ALMS1: variants seen among roughly 807,000 people sequenced by gnomAD.
ALMS1 encodes ALMS1 centrosome and basal body associated protein.
Under a neutral mutation model 352.2 loss-of-function variants are expected in ALMS1, and 271 were observed. That is an observed-to-expected ratio of 0.77 (90% CI 0.70 to 0.85). The LOEUF (loss-of-function observed/expected upper bound fraction) is 0.85, where lower values mean the gene tolerates loss of function less well. Ranked by LOEUF, ALMS1 falls within the 40% of genes least tolerant of loss-of-function variation. The pLI, the probability that ALMS1 is intolerant of heterozygous loss-of-function variation, is 0.00. For synonymous variants in ALMS1, 1,865 were observed against 1,761.2 expected, an observed-to-expected ratio of 1.06 and a Z score of -1.48; for missense variants, 5,445 against 4,870.7, an observed-to-expected ratio of 1.12 and a Z score of -3.51.
intron 21 of ALMS1, among the ~76,000 whole-genome samples, chr2:73,607,053 T>C (rs936031679): frequency 6.6e-6 from 1 of 152,104 alleles, no homozygotes; most frequent in African/African-American, 2.4e-5. Flanking sequence ...TAGAGAAAAG[T>C]AGAAAAAAGA....
At chr2:73,581,630 T>C (rs1344127642) in intron 16 of ALMS1, among the ~76,000 whole-genome samples, 3 of 152,252 alleles carry the variant, frequency 2.0e-5, no homozygotes, top group African/African-American at 7.2e-5. Flanking sequence ...TTTTTGGTGT[T>C]TCTAGAGAAG....
At chr2:73,564,607 T>C (rs1231033245) in intron 15 of ALMS1, among the ~76,000 whole-genome samples, 1 of 151,936 alleles carries the variant, frequency 6.6e-6, no homozygotes, top group East Asian at 1.9e-4. Context: ...CTTAAGCAAA[T>C]ACTGATCCAC....
chr2:73,558,904 TGAGA>T, intron 14 of ALMS1, 64 bp from the exon 15 acceptor site: 11 of 1,518,914 alleles, frequency 7.2e-6, no homozygotes, highest in Non-Finnish European at 1.0e-5. Context: ...AATACGTACT[TGAGA>T]GACATTTAAA....
rs368805904 is a variant in ALMS1 at position 73,537,672 on chromosome 2, T to G, written c.9907+2723T>G. 9.9e-5 allele frequency among the ~76,000 whole-genome samples: 15 copies of G among 152,256 alleles called. No homozygotes were observed. In the East Asian group the frequency reaches 1.7e-3, roughly 18 times the overall value. ...AAAGCAACAACACCAAACCCTGAGA[T>G]GGAAGTAGAATCTGGTTTCCAGAGT... On this transcript the variant is annotated intron_variant, in intron 12 of 22. Coordinates refer to ENST00000613296, the MANE Select transcript of ALMS1 (RefSeq NM_001378454.1).
intron 1 of ALMS1, among the ~76,000 whole-genome samples, chr2:73,386,773 A>G (rs1284949163): frequency 6.6e-6 from 1 of 152,174 alleles, no homozygotes; most frequent in Non-Finnish European, 1.5e-5. Flanking sequence ...ACAGTCTGCA[A>G]AACTACAAAG....
At chr2:73,492,270 G>C (rs1673006380) in intron 10 of ALMS1, among the ~76,000 whole-genome samples, 1 of 152,064 alleles carries the variant, frequency 6.6e-6, no homozygotes, top group Non-Finnish European at 1.5e-5. Context: ...AGAGCGCTAG[G>C]CTTGGAAAGG....
chr2:73,482,617 C>G (rs1414956027), intron 9 of ALMS1, among the ~76,000 whole-genome samples: 1 of 152,194 alleles, frequency 6.6e-6, no homozygotes, highest in Non-Finnish European at 1.5e-5. Flanking sequence ...AGGATTCCCT[C>G]TTTTTCCATT....
In ALMS1 at chr2:73,425,204, T is replaced by C. The variant is rs1023348035; in HGVS notation, c.1237+302T>C. Among the ~76,000 whole-genome samples the C allele has an allele frequency of 6.6e-5, 10 of 152,288 alleles. No homozygotes were observed. The South Asian group carries it at 1.2e-3, about 19-fold the overall frequency. Reference sequence around the variant, plus strand: ...ATTTTGAGAATGTTTATTTAAGGGCTCCAGCTGAGATTGAGGTGAAACAAA... The same window carrying C: ...ATTTTGAGAATGTTTATTTAAGGGCCCCAGCTGAGATTGAGGTGAAACAAA... On this transcript the variant is annotated intron_variant, in intron 5 of 22. Coordinates refer to ENST00000613296, the MANE Select transcript of ALMS1 (RefSeq NM_001378454.1).
intron 1 of ALMS1, among the ~76,000 whole-genome samples, chr2:73,398,423 A>G (rs905690653): frequency 2.0e-5 from 3 of 152,208 alleles, no homozygotes; most frequent in African/African-American, 7.2e-5. Context: ...CAGTCCTCCA[A>G]TTCGGAGTCT....
At chr2:73,491,886 T>C (rs903681733) in intron 10 of ALMS1, among the ~76,000 whole-genome samples, 3 of 152,200 alleles carry the variant, frequency 2.0e-5, no homozygotes, top group Non-Finnish European at 4.4e-5. Context: ...GCTCTCCCTC[T>C]CTCTCTCTCT....
rs188324369 is a variant in ALMS1, at chr2:73,568,895, T to C, written c.10385-3367T>C. Among the ~76,000 whole-genome samples, 875 of 151,572 alleles carry C rather than the reference T, an allele frequency of 5.8e-3. 11 individuals carry two copies. The highest frequency in any genetic ancestry group is 0.037 in the Middle Eastern group (11 of 294). On this transcript the variant is annotated intron_variant, in intron 15 of 22. Coordinates refer to ENST00000613296, the MANE Select transcript of ALMS1 (RefSeq NM_001378454.1). ...ACTTCAACTTATTTGACCTTTACTCTTAACAAAGTGCCATGAGATGATGGT... is the reference window on the plus strand; with the variant it reads ...ACTTCAACTTATTTGACCTTTACTCCTAACAAAGTGCCATGAGATGATGGT...
At chr2:73,386,235 G>C in intron 1 of ALMS1, 43 bp downstream of exon 1, 1 of 1,466,058 alleles carries the variant, frequency 6.8e-7, no homozygotes, top group South Asian at 1.3e-5. Context: ...GGCGAGTTGG[G>C]GGTGGAGGCT....
intron 5 of ALMS1, among the ~76,000 whole-genome samples, chr2:73,425,440 C>T (rs1288860099): frequency 6.6e-6 from 1 of 152,096 alleles, no homozygotes; most frequent in Non-Finnish European, 1.5e-5. Context: ...GGACATAATA[C>T]CTCTAAAATG....
At chr2:73,457,761 G>A (rs998478785) in intron 9 of ALMS1, among the ~76,000 whole-genome samples, 3 of 151,948 alleles carry the variant, frequency 2.0e-5, no homozygotes, top group East Asian at 1.9e-4. Context: ...GGCTGGGCGC[G>A]GTGGCTCATG....
Position 73,450,792 on chromosome 2 carries a change from C to G in ALMS1, c.4265C>G (p.Pro1422Arg). Residue 1422 changes from proline (P) to arginine (R), a missense_variant, in exon 8 of 23, where the codon CCA becomes CGA. By Grantham distance (103) the Pro-to-Arg change is moderately radical. Coordinates refer to ENST00000613296, the MANE Select transcript of ALMS1 (RefSeq NM_001378454.1). ...PGPGDRKTGIPTLPSTFYSHT... is the reference protein window; with the variant it reads ...PGPGDRKTGIRTLPSTFYSHT... ...CCAGGTGACCGGAAGACTGGGATACCAACTTTACCCTCTACTTTCTACTCA... is the reference window on the plus strand; with the variant it reads ...CCAGGTGACCGGAAGACTGGGATACGAACTTTACCCTCTACTTTCTACTCA... 1 of 1,613,286 alleles carries G rather than the reference C, an allele frequency of 6.2e-7. No homozygotes were observed. The highest frequency in any genetic ancestry group is 1.1e-5 in the South Asian group (1 of 91,040).
At chr2:73,474,368 ACT>A (rs1390977735) in intron 9 of ALMS1, among the ~76,000 whole-genome samples, 13 of 79,766 alleles carry the variant, frequency 1.6e-4, no homozygotes, top group Admixed American at 3.0e-4. Context: ...GTGCTTGTTG[ACT>A]CTGTGTGTGT....
intron 9 of ALMS1, among the ~76,000 whole-genome samples, chr2:73,461,004 C>A (rs1024530009): frequency 1.2e-4 from 19 of 152,244 alleles, no homozygotes; most frequent in Admixed American, 1.1e-3. Flanking sequence ...TAGGCTCCAC[C>A]TCTGGGGGCA....
At chr2:73,435,478 A>T (rs112127741) in intron 7 of ALMS1, among the ~76,000 whole-genome samples, 1 of 151,228 alleles carries the variant, frequency 6.6e-6, no homozygotes, top group African/African-American at 2.4e-5. Context: ...TTCTGATTCA[A>T]TTTATACTAA....
intron 9 of ALMS1, among the ~76,000 whole-genome samples, chr2:73,486,332 G>C (rs761700107): frequency 2.0e-5 from 3 of 152,178 alleles, no homozygotes; most frequent in Non-Finnish European, 4.4e-5. Context: ...CCGCAAGGAA[G>C]GGATAGCACT....
Sources: allele counts gnomAD v4.1 joint callset (sites outside exome capture counted in the v4.1 genomes callset), GRCh38; gene constraint gnomAD v4.1.1; transcripts MANE v1.5; gene names NCBI Gene and HGNC (gene_info 2026-07-23, HGNC 2026-07-21).